SYNPR: variants seen among roughly 807,000 people sequenced by gnomAD.
SYNPR encodes synaptoporin.
Under a neutral mutation model 32.9 loss-of-function variants are expected in SYNPR, and 23 were observed. That is an observed-to-expected ratio of 0.70 (90% CI 0.50 to 0.99). The LOEUF (loss-of-function observed/expected upper bound fraction) is 0.99, where lower values mean the gene tolerates loss of function less well. Ranked by LOEUF, SYNPR falls within the 50% of genes least tolerant of loss-of-function variation. SYNPR has a pLI of 0.00. For synonymous variants in SYNPR, 146 were observed against 135.9 expected (o/e 1.07, Z -0.52); for missense variants, 318 against 349.3 (o/e 0.91, Z 0.71).
intron 2 of SYNPR, among the ~76,000 whole-genome samples, chr3:63,412,253 A>G (rs1035217594): frequency 5.3e-5 from 8 of 152,190 alleles, no homozygotes; most frequent in African/African-American, 1.9e-4. Context: ...TCTCTGAAGC[A>G]TTCAAGAGAA....
intron 3 of SYNPR, among the ~76,000 whole-genome samples, chr3:63,493,352 A>G (rs1323235174): frequency 6.6e-6 from 1 of 152,132 alleles, no homozygotes; most frequent in Non-Finnish European, 1.5e-5. Context: ...CAGGGCTTGG[A>G]GTGTCATGAA....
intron 2 of SYNPR, among the ~76,000 whole-genome samples, chr3:63,397,362 T>G (rs1412722830): frequency 6.6e-6 from 1 of 152,174 alleles, no homozygotes; most frequent in Non-Finnish European, 1.5e-5. Context: ...AAAATCTTAG[T>G]TGAAACTCTG....
chr3:63,399,821 A>G (rs1049896762), intron 2 of SYNPR, among the ~76,000 whole-genome samples: 2 of 152,220 alleles, frequency 1.3e-5, no homozygotes, highest in Non-Finnish European at 2.9e-5. Flanking sequence ...TTGTCTTTGT[A>G]TTGAACCACG....
At chr3:63,304,888 A>G (rs2086894781) in intron 2 of SYNPR, among the ~76,000 whole-genome samples, 1 of 152,028 alleles carries the variant, frequency 6.6e-6, no homozygotes, top group Admixed American at 6.6e-5. Flanking sequence ...AAGATTTTCT[A>G]CAAGTTGAGG....
intron 2 of SYNPR, among the ~76,000 whole-genome samples, chr3:63,455,078 A>C (rs998647753): frequency 6.6e-6 from 1 of 152,082 alleles, no homozygotes; most frequent in Non-Finnish European, 1.5e-5. Context: ...GAATAATTTT[A>C]TTCTTACTGG....
chr3:63,260,586 A>C (rs1458876973), intron 2 of SYNPR, among the ~76,000 whole-genome samples: 3 of 152,250 alleles, frequency 2.0e-5, no homozygotes, highest in Non-Finnish European at 4.4e-5. Flanking sequence ...TGGATTAAAG[A>C]CTTAAATGTT....
At chr3:63,550,717 G>T (rs796321104) in intron 3 of SYNPR, among the ~76,000 whole-genome samples, 1 of 152,184 alleles carries the variant, frequency 6.6e-6, no homozygotes. Context: ...GTGCAGCCTG[G>T]CACCTGGAAA....
chr3:63,384,464 AC>A lies in SYNPR; in HGVS notation c.85-96367del, dbSNP rs202189695. On this transcript the variant is annotated intron_variant, in intron 2 of 5. Coordinates refer to ENST00000478300, the MANE Select transcript of SYNPR (RefSeq NM_001130003.2). ...TTTATGATAATGTCTTTCTTTGACT[AC>A]AGTGTGTAATTTTATGTTTCTTTTA... is the stretch of plus-strand genomic sequence containing the variant. 4.5e-3 allele frequency among the ~76,000 whole-genome samples: 681 copies of A among 152,288 alleles called. 8 individuals carry two copies. Among genetic ancestry groups the A allele is most frequent in the African/African-American group, 0.016 (660 of 41,568 alleles).
intron 2 of SYNPR, among the ~76,000 whole-genome samples, chr3:63,290,023 G>A (rs1028141382): frequency 3.3e-5 from 5 of 151,966 alleles, no homozygotes; most frequent in East Asian, 2.0e-4. Flanking sequence ...CCAGCTACTC[G>A]GGAGGCTGAG....
chr3:63,428,074 A>G (rs1327021384), intron 2 of SYNPR, among the ~76,000 whole-genome samples: 2 of 152,150 alleles, frequency 1.3e-5, no homozygotes, highest in East Asian at 3.9e-4. Context: ...CAACAATTTC[A>G]TAGTTGGGAA....
At chr3:63,606,130 T>C (rs1207104126) in intron 4 of SYNPR, among the ~76,000 whole-genome samples, 2 of 152,272 alleles carry the variant, frequency 1.3e-5, no homozygotes, top group Middle Eastern at 3.4e-3. Context: ...TCAAGTAGTC[T>C]AGCAAATGGA....
At chr3:63,364,908 C>G (rs890886887) in intron 2 of SYNPR, among the ~76,000 whole-genome samples, 1 of 151,996 alleles carries the variant, frequency 6.6e-6, no homozygotes, top group Non-Finnish European at 1.5e-5. Flanking sequence ...AAATGAATAT[C>G]CTCGGTGGCT....
upstream of SYNPR, among the ~76,000 whole-genome samples, chr3:63,225,961 A>G (rs1348280462): frequency 6.6e-6 from 1 of 152,170 alleles, no homozygotes; most frequent in Non-Finnish European, 1.5e-5. Flanking sequence ...AACAGGAAAA[A>G]AAAAATCCCA....
At chr3:63,525,469 A>G (rs1043507542) in intron 3 of SYNPR, among the ~76,000 whole-genome samples, 8 of 152,178 alleles carry the variant, frequency 5.3e-5, no homozygotes, top group African/African-American at 1.7e-4. Flanking sequence ...CTTTAGAAAA[A>G]GGATGCAAGA....
intron 4 of SYNPR, among the ~76,000 whole-genome samples, chr3:63,562,467 T>C (rs1041508001): frequency 3.3e-5 from 5 of 152,194 alleles, no homozygotes; most frequent in Non-Finnish European, 7.3e-5. Flanking sequence ...GAGGCTATGT[T>C]ATTCAAACTC....
intron 3 of SYNPR, among the ~76,000 whole-genome samples, chr3:63,503,565 T>C (rs1701525161): frequency 1.3e-5 from 2 of 152,164 alleles, no homozygotes; most frequent in South Asian, 2.1e-4. Context: ...CTGTTTTTTG[T>C]TTGTTAAAGC....
intron 2 of SYNPR, among the ~76,000 whole-genome samples, chr3:63,377,505 CA>C (rs1237812648): frequency 6.6e-6 from 1 of 152,034 alleles, no homozygotes; most frequent in African/African-American, 2.4e-5. Context: ...GCCAACCTAT[CA>C]TCTTTTATGG....
chr3:63,421,469 G>A (rs887789899), intron 2 of SYNPR, among the ~76,000 whole-genome samples: 14 of 150,114 alleles, frequency 9.3e-5, no homozygotes, highest in African/African-American at 3.4e-4. Context: ...TCATTATGCT[G>A]AGTGAGAAAA....
chr3:63,345,457 C>G (rs148394334), intron 2 of SYNPR, among the ~76,000 whole-genome samples: 1 of 152,118 alleles, frequency 6.6e-6, no homozygotes, highest in African/African-American at 2.4e-5. Flanking sequence ...CTGGGCCTGT[C>G]GGGCTGCAGA....
Sources: allele counts gnomAD v4.1 joint callset (sites outside exome capture counted in the v4.1 genomes callset), GRCh38; gene constraint gnomAD v4.1.1; transcripts MANE v1.5; gene names NCBI Gene and HGNC (gene_info 2026-07-23, HGNC 2026-07-21).